JAKMIP1: variants seen among roughly 807,000 people sequenced by gnomAD.
JAKMIP1 encodes the protein janus kinase and microtubule interacting protein 1, also known as janus kinase and microtubule-interacting protein 1.
Under a neutral mutation model 113.0 loss-of-function variants are expected in JAKMIP1, and 33 were observed. The observed-to-expected ratio is 0.29, with a 90% CI of 0.22 to 0.39. The LOEUF (loss-of-function observed/expected upper bound fraction) is 0.39. Ranked by LOEUF, JAKMIP1 falls within the 10% of genes least tolerant of loss-of-function variation. The probability of loss-of-function intolerance (pLI) is 1.00; values close to 1 mark genes in which losing one functional copy is unlikely to be tolerated. For synonymous variants in JAKMIP1, 480 were observed against 459.9 expected, an observed-to-expected ratio of 1.04 and a Z score of -0.56; for missense variants, 813 against 1,080.5, an observed-to-expected ratio of 0.75 and a Z score of 3.47.
rs1726496781 is a variant in JAKMIP1, at chr4:6,185,113, T to C, written c.-148+15140A>G. Reference sequence around the variant, plus strand: ...GGCTGCACTGTCAGCTTCCTTACTTTTGAGGTTTTGGGACTCGAACTGGCT... The same window carrying C: ...GGCTGCACTGTCAGCTTCCTTACTTCTGAGGTTTTGGGACTCGAACTGGCT... On this transcript the variant is annotated intron_variant, in intron 1 of 20. Transcript: ENST00000409021. The surrounding 1 kb of genome is among the most constrained non-coding windows in gnomAD (Gnocchi z 5.3). Among the ~76,000 whole-genome samples, 1 of 152,212 alleles carries C rather than the reference T, an allele frequency of 6.6e-6. No homozygotes were observed. The highest frequency in any genetic ancestry group is 1.5e-5 in the Non-Finnish European group (1 of 68,044).
rs751119010 is a variant in JAKMIP1, at chr4:6,040,731, G to T, written c.2098-15C>A. 2 of 1,605,792 alleles carry T rather than the reference G, an allele frequency of 1.2e-6. No homozygotes were observed. The highest frequency in any genetic ancestry group is 1.7e-6 in the Non-Finnish European group (2 of 1,173,242). On this transcript the variant is annotated splice_polypyrimidine_tract_variant and intron_variant, in intron 17 of 20. Coordinates refer to ENST00000409021, the MANE Select transcript of JAKMIP1 (RefSeq NM_001099433.2). The surrounding 1 kb of genome is among the most constrained non-coding windows in gnomAD (Gnocchi z 5.8). Reference sequence around the variant, plus strand: ...CTGAACAGGTCCTGAGAAAGAGGGAGGCGCCATCAGGGACCAGCGTCAGAA... The same window carrying T: ...CTGAACAGGTCCTGAGAAAGAGGGATGCGCCATCAGGGACCAGCGTCAGAA...
chr4:6,186,858 C>T lies in JAKMIP1; in HGVS notation c.-148+13395G>A, dbSNP rs1348860613. Among the ~76,000 whole-genome samples, 2 of 152,140 alleles carry T rather than the reference C, an allele frequency of 1.3e-5. No individual in the cohort carries two copies. The highest frequency in any genetic ancestry group is 4.8e-5 in the African/African-American group (2 of 41,430). On this transcript the variant is annotated intron_variant, in intron 1 of 20. Coordinates refer to ENST00000409021, the MANE Select transcript of JAKMIP1 (RefSeq NM_001099433.2). This position sits in a 1 kb window ranked among gnomAD's most constrained non-coding sequence, Gnocchi z 5.5. ...TGTTTGTTTGTTTGAGACAGTCTCTCACTCTGTCACCCAAGCTGGAGTGCA... is the reference window on the plus strand; with the variant it reads ...TGTTTGTTTGTTTGAGACAGTCTCTTACTCTGTCACCCAAGCTGGAGTGCA...
At chr4:6,126,916 C>A (rs571461695) in intron 1 of JAKMIP1, among the ~76,000 whole-genome samples, 1 of 152,068 alleles carries the variant, frequency 6.6e-6, no homozygotes, top group East Asian at 1.9e-4. Context: ...ATACACACCA[C>A]ACACAAATAT....
Position 6,108,448 on chromosome 4 carries a change from G to A in JAKMIP1, c.130-2481C>T, listed in dbSNP as rs1010283097. Among the ~76,000 whole-genome samples the A allele has an allele frequency of 6.6e-6, 1 of 152,154 alleles. No homozygotes were observed. The highest frequency in any genetic ancestry group is 1.5e-5 in the Non-Finnish European group (1 of 68,026). On this transcript the variant is annotated intron_variant, in intron 2 of 20. Coordinates refer to ENST00000409021, the MANE Select transcript of JAKMIP1 (RefSeq NM_001099433.2). The surrounding 1 kb of genome is among the most constrained non-coding windows in gnomAD (Gnocchi z 5.6). ...AAGGCCAAGAGAGGGAGCATGCCCTGGGGGTGTGGGGGCTGGCGTGGAGAA... is the reference window on the plus strand; with the variant it reads ...AAGGCCAAGAGAGGGAGCATGCCCTAGGGGTGTGGGGGCTGGCGTGGAGAA...
chr4:6,081,541 T>G lies in JAKMIP1; in HGVS notation c.1101+68A>C. The G allele has an allele frequency of 1.3e-6, 2 of 1,578,562 alleles. No homozygotes were observed. The highest frequency in any genetic ancestry group is 1.7e-6 in the Non-Finnish European group (2 of 1,156,230). On this transcript the variant is annotated intron_variant, in intron 6 of 20. Coordinates refer to ENST00000409021, the MANE Select transcript of JAKMIP1 (RefSeq NM_001099433.2). The surrounding 1 kb of genome is among the most constrained non-coding windows in gnomAD (Gnocchi z 4.6). ...GCCCCAGAACATGTGAATCGGGAGG[T>G]TCAGGGCTGAAGAATCCCAGACAGA...
Position 6,062,894 on chromosome 4 carries a change from C to T in JAKMIP1, c.1432-454G>A, listed in dbSNP as rs369092500. On this transcript the variant is annotated intron_variant, in intron 9 of 20. Transcript: ENST00000409021. ...GGGCATGGTGGCTCACGCCTGTAAT[C>T]CCAGCACTTTGGGAGGCTGAGGCAG... Among the ~76,000 whole-genome samples the T allele has an allele frequency of 6.2e-4, 94 of 152,364 alleles. 1 individual carries two copies. In the South Asian group the frequency reaches 0.015, roughly 24 times the overall value.
At chr4:6,028,014 T>C (rs1295483412) in intron 20 of JAKMIP1, among the ~76,000 whole-genome samples, 1 of 152,210 alleles carries the variant, frequency 6.6e-6, no homozygotes, top group Non-Finnish European at 1.5e-5. Flanking sequence ...AACCTCATTT[T>C]ATCCCTACAT....
At chr4:6,082,790 C>A (rs941834969) in intron 5 of JAKMIP1, among the ~76,000 whole-genome samples, 2 of 152,124 alleles carry the variant, frequency 1.3e-5, no homozygotes, top group Admixed American at 6.6e-5. Context: ...GCATGTGGCA[C>A]CTCACAGAAA....
Position 6,064,935 on chromosome 4 carries a change from TA to T in JAKMIP1, c.1375del (p.Tyr459ThrfsTer33). ...GGTCCTGTCTGTCCTGTCTGTGTTG[TA>T]GGATGTTTCGGACAACGTTTCTGAG... ...VDSETLSETSYNTDRTDRTPA... is the reference protein window; with the variant it reads ...VDSETLSETSXNTDRTDRTPA... On this transcript the variant is annotated frameshift_variant, in exon 9 of 21. Transcript: ENST00000409021. LOFTEE classifies it high-confidence loss of function. The surrounding 1 kb of genome is among the most constrained non-coding windows in gnomAD (Gnocchi z 4.3). The T allele has an allele frequency of 6.2e-7, 1 of 1,614,110 alleles. No homozygotes were observed.
intron 3 of JAKMIP1, among the ~76,000 whole-genome samples, chr4:6,100,645 A>T (rs1469731077): frequency 2.0e-5 from 3 of 152,232 alleles, no homozygotes; most frequent in Admixed American, 6.5e-5. Flanking sequence ...CTTTTTAAGA[A>T]ACTACAAAAC....
intron 4 of JAKMIP1, among the ~76,000 whole-genome samples, 153 bp from the exon 5 acceptor site, chr4:6,085,118 G>A (rs760607623): frequency 6.6e-5 from 10 of 151,786 alleles, no homozygotes; most frequent in Non-Finnish European, 1.5e-4. Flanking sequence ...GAACACCCAA[G>A]CCCACTGCAC....
At chr4:6,190,682 A>G (rs529391744) in intron 1 of JAKMIP1, among the ~76,000 whole-genome samples, 9 of 152,202 alleles carry the variant, frequency 5.9e-5, no homozygotes, top group Non-Finnish European at 1.3e-4. Context: ...TAAGGATGAC[A>G]GTGTTAGCTG....
chr4:6,068,027 G>A (rs1325383232), intron 8 of JAKMIP1, among the ~76,000 whole-genome samples: 1 of 152,226 alleles, frequency 6.6e-6, no homozygotes, highest in African/African-American at 2.4e-5. Context: ...GCTGGGCTGT[G>A]ACCATCCACG....
rs1196413899 is a variant in JAKMIP1, at chr4:6,076,170, C to T, written c.1302+2769G>A. Among the ~76,000 whole-genome samples the T allele has an allele frequency of 6.6e-6, 1 of 151,994 alleles. No homozygotes were observed. Among genetic ancestry groups the T allele is most frequent in the African/African-American group, 2.4e-5 (1 of 41,394 alleles). On this transcript the variant is annotated intron_variant, in intron 8 of 20. Coordinates refer to ENST00000409021, the MANE Select transcript of JAKMIP1 (RefSeq NM_001099433.2). The surrounding 1 kb of genome is among the most constrained non-coding windows in gnomAD (Gnocchi z 4.8). ...CAGCCCAGGCAACAAGAGCGAAACT[C>T]CATCTCAAAAAAAATTAGTAAATAA...
rs549019958 is a variant in JAKMIP1 at position 6,119,617 on chromosome 4, G to A, written c.-147-6620C>T. Among the ~76,000 whole-genome samples the A allele has an allele frequency of 3.7e-4, 56 of 152,104 alleles. No individual in the cohort carries two copies. The Middle Eastern group carries it at 0.021, about 56-fold the overall frequency. ...CACAGTCAGCACTTTGTTTAATGCC[G>A]GAAGGCAACCAGCTCCTCAGAACAC... is the stretch of plus-strand genomic sequence containing the variant. On this transcript the variant is annotated intron_variant, in intron 1 of 20. Transcript: ENST00000409021.
chr4:6,056,645 G>T, intron 12 of JAKMIP1, 52 bp downstream of exon 12: 1 of 1,417,240 alleles, frequency 7.1e-7, no homozygotes, highest in Non-Finnish European at 1.0e-6. Flanking sequence ...GCAGGCCCGC[G>T]GGGTCCCAAC....
Position 6,156,941 on chromosome 4 carries a change from T to G in JAKMIP1, c.-148+43312A>C, listed in dbSNP as rs1722307394. Among the ~76,000 whole-genome samples the G allele has an allele frequency of 6.6e-6, 1 of 152,256 alleles. No homozygotes were observed. The highest frequency in any genetic ancestry group is 1.5e-5 in the Non-Finnish European group (1 of 68,050). ...CAAGTTCCATGGCTAGTGGTTTGAA[T>G]GCGTCCCTCAAAGTTCACTGTTAAT... is the stretch of plus-strand genomic sequence containing the variant. On this transcript the variant is annotated intron_variant, in intron 1 of 20. Transcript: ENST00000409021. The surrounding 1 kb of genome is among the most constrained non-coding windows in gnomAD (Gnocchi z 5.0).
rs1422981436 is a variant in JAKMIP1 at position 6,044,560 on chromosome 4, A to G, written c.2029-2333T>C. On this transcript the variant is annotated intron_variant, in intron 16 of 20. Transcript: ENST00000409021. This position sits in a 1 kb window ranked among gnomAD's most constrained non-coding sequence, Gnocchi z 4.4. Reference sequence around the variant, plus strand: ...TGGTTTCTTAGAAACAGATAAGCATATTTTGGATGGGGAGTTACAGGTATT... The same window carrying G: ...TGGTTTCTTAGAAACAGATAAGCATGTTTTGGATGGGGAGTTACAGGTATT... 6.6e-6 allele frequency among the ~76,000 whole-genome samples: 1 copy of G among 152,112 alleles called. No homozygotes were observed. The highest frequency in any genetic ancestry group is 1.5e-5 in the Non-Finnish European group (1 of 68,012).
chr4:6,048,733 C>G (rs1398470282), intron 16 of JAKMIP1, 124 bp downstream of exon 16: 2 of 745,158 alleles, frequency 2.7e-6, no homozygotes. Flanking sequence ...TGCATGTGCA[C>G]GTGCAGACGC....
Sources: gnomAD v4.1 joint callset for allele counts (sites outside exome capture counted in the v4.1 genomes callset) on GRCh38, gnomAD v4.1.1 for gene constraint, Gnocchi (gnomAD v3.1) non-coding constraint, MANE v1.5 for transcripts, NCBI Gene and HGNC (gene_info 2026-07-23, HGNC 2026-07-21) for gene names.